Variants in C1orf146 observed in about 807,000 individuals in gnomAD.
C1orf146 encodes the protein chromosome 1 open reading frame 146.
Under a neutral mutation model 23.0 loss-of-function variants are expected in C1orf146, and 22 were observed. That is an observed-to-expected ratio of 0.96 (90% CI 0.68 to 1.36). The LOEUF is 1.36. Among genes scored for constraint, C1orf146 ranks in the 40% most tolerant of loss-of-function variants. The probability of loss-of-function intolerance (pLI) is 0.00; values close to 1 mark genes in which losing one functional copy is unlikely to be tolerated. For missense variants in C1orf146, 199 were observed against 206.8 expected (o/e 0.96, Z 0.23); for synonymous variants, 59 against 65.3 (o/e 0.90, Z 0.47).
chr1:92,228,740 C>T (rs1570788909), intron 1 of C1orf146, among the ~76,000 whole-genome samples: 1 of 152,158 alleles, frequency 6.6e-6, no homozygotes, highest in African/African-American at 2.4e-5. Flanking sequence ...CACGAAGTGA[C>T]CAAGCCACAT....
intron 2 of C1orf146, among the ~76,000 whole-genome samples, chr1:92,232,352 A>G (rs1652149815): frequency 1.3e-5 from 2 of 148,358 alleles, no homozygotes; most frequent in Non-Finnish European, 3.0e-5. Context: ...GAGTGAGAAC[A>G]TGCGGTGTTT....
Position 92,221,488 on chromosome 1 carries a change from A to G in C1orf146, c.-40+3440A>G, listed in dbSNP as rs559045955. Among the ~76,000 whole-genome samples the G allele has an allele frequency of 2.1e-4, 32 of 152,344 alleles. No individual in the cohort carries two copies. In the South Asian group the frequency reaches 6.6e-3, roughly 32 times the overall value. ...ATATACCCCCTGAATCTAAAATAAAAGTTGAAATTTAAAAAGAAATTTTTA... is the reference window on the plus strand; with the variant it reads ...ATATACCCCCTGAATCTAAAATAAAGGTTGAAATTTAAAAAGAAATTTTTA... On this transcript the variant is annotated intron_variant, in intron 1 of 5. Coordinates refer to ENST00000370375, the MANE Select transcript of C1orf146 (RefSeq NM_001012425.2).
chr1:92,243,334 T>C (rs1652475927), intron 3 of C1orf146, among the ~76,000 whole-genome samples: 1 of 152,136 alleles, frequency 6.6e-6, no homozygotes. Context: ...ACTGAGTGTA[T>C]TAATTTATAT....
At chr1:92,240,652 AAACT>A (rs1454702317) in intron 2 of C1orf146, 3 of 157,860 alleles carry the variant, frequency 1.9e-5, no homozygotes, top group Non-Finnish European at 2.8e-5. Flanking sequence ...ATCTATCTGG[AAACT>A]AACAAGTTTG....
intron 2 of C1orf146, among the ~76,000 whole-genome samples, chr1:92,234,017 C>T (rs1359969255): frequency 4.6e-5 from 7 of 152,118 alleles, no homozygotes; most frequent in Non-Finnish European, 8.8e-5. Context: ...TGGGCTGAGA[C>T]GATGGGGTTT....
intron 1 of C1orf146, chr1:92,229,570 GA>G: frequency 3.1e-6 from 1 of 326,468 alleles, no homozygotes; most frequent in Non-Finnish European, 6.0e-6. Flanking sequence ...CTGAAGCAGA[GA>G]AGGTCTTCCA....
At chr1:92,233,635 A>T (rs1652191015) in intron 2 of C1orf146, among the ~76,000 whole-genome samples, 1 of 152,132 alleles carries the variant, frequency 6.6e-6, no homozygotes. Flanking sequence ...AGTTTTTTCC[A>T]ATTCTGTGAA....
intron 2 of C1orf146, among the ~76,000 whole-genome samples, chr1:92,236,437 C>T (rs1056912544): frequency 3.3e-5 from 5 of 152,058 alleles, no homozygotes; most frequent in Non-Finnish European, 7.4e-5. Context: ...AATATTGGCC[C>T]CCACTCTCTT....
intron 1 of C1orf146, among the ~76,000 whole-genome samples, chr1:92,227,748 G>A (rs199860337): frequency 4.6e-5 from 7 of 151,764 alleles, no homozygotes; most frequent in Non-Finnish European, 1.0e-4. Context: ...TTGCCTCCTA[G>A]CTACCATGTT....
chr1:92,231,411 C>T lies in C1orf146; in HGVS notation c.-10C>T, dbSNP rs749166867. 4.4e-6 allele frequency: 7 copies of T among 1,600,400 alleles called. No individual in the cohort carries two copies. The highest frequency in any genetic ancestry group is 1.7e-4 in the Middle Eastern group (1 of 6,006). On this transcript the variant is annotated 5_prime_UTR_variant, in exon 2 of 6. Transcript: ENST00000370375. ...TTGCACCATTAGAAGCTAGGTTGAT[C>T]CACAGACAGATGGCTGAAAGTGGAA... is the stretch of plus-strand genomic sequence containing the variant.
intron 1 of C1orf146, chr1:92,229,549 T>G: frequency 2.6e-6 from 1 of 381,798 alleles, no homozygotes; most frequent in South Asian, 2.2e-5. Flanking sequence ...TGATTTGTGC[T>G]GTTGGTTAAT....
chr1:92,237,456 T>C (rs1021072363), intron 2 of C1orf146, among the ~76,000 whole-genome samples: 7 of 152,226 alleles, frequency 4.6e-5, no homozygotes, highest in Non-Finnish European at 8.8e-5. Flanking sequence ...TGTCTGATCA[T>C]TCCTCTGGAA....
chr1:92,229,452 G>T (rs1420759257), intron 1 of C1orf146: 6 of 505,056 alleles, frequency 1.2e-5, no homozygotes, highest in Non-Finnish European at 2.4e-5. Context: ...GTCATCAGCT[G>T]TAGCTGTTCT....
At chr1:92,231,526 A>T (rs369766854) in intron 2 of C1orf146, 40 bp downstream of exon 2, 113 of 1,416,514 alleles carry the variant, frequency 8.0e-5, no homozygotes, top group Admixed American at 4.5e-4. Flanking sequence ...AACTTAAAAA[A>T]ATTAAAAGCA....
intron 1 of C1orf146, among the ~76,000 whole-genome samples, chr1:92,230,675 G>A (rs1051916658): frequency 2.6e-5 from 4 of 151,946 alleles, no homozygotes; most frequent in Non-Finnish European, 4.4e-5. Flanking sequence ...AGCTACTTGG[G>A]AAGCTGAGGC....
chr1:92,224,644 A>G (rs182017722), intron 1 of C1orf146, among the ~76,000 whole-genome samples: 144 of 152,282 alleles, frequency 9.5e-4, no homozygotes, highest in African/African-American at 3.2e-3. Flanking sequence ...ATGTTTATCA[A>G]TGTTGTTGAT....
In C1orf146 at chr1:92,244,820, C is replaced by G. The variant is rs200379334; in HGVS notation, c.371C>G (p.Thr124Arg). The G allele has an allele frequency of 1.2e-6, 2 of 1,608,778 alleles. No homozygotes were observed. The highest frequency in any genetic ancestry group is 1.7e-6 in the Non-Finnish European group (2 of 1,175,896). Residue 124 changes from threonine (T) to arginine (R), a missense_variant, in exon 5 of 6, where the codon ACA becomes AGA. Physicochemically the swap from Thr to Arg is moderately conservative, Grantham distance 71. Transcript: ENST00000370375. ...TTACGAATACTTCCAGTACACAACA[C>G]AGTAAATGCTATTAATCTTATGTGC... ...CNLRILPVHN[T>R]VNAINLMCTI...
At position 92,236,737 on chromosome 1, in the gene C1orf146, C is replaced by A. The variant is rs182692307; in HGVS notation, c.66+5251C>A. Among the ~76,000 whole-genome samples the A allele has an allele frequency of 8.3e-3, 1,268 of 152,346 alleles. 8 individuals are homozygous for A. Among genetic ancestry groups the A allele is most frequent in the Admixed American group, 0.015 (226 of 15,300 alleles). On this transcript the variant is annotated intron_variant, in intron 2 of 5. Coordinates refer to ENST00000370375, the MANE Select transcript of C1orf146 (RefSeq NM_001012425.2). ...TTGGTTCCATTCTCCCCGTCACTTT[C>A]AGGTACACCAATCAGACGTAGATTT... is the stretch of plus-strand genomic sequence containing the variant.
intron 3 of C1orf146, among the ~76,000 whole-genome samples, chr1:92,243,228 C>G (rs1652472677): frequency 6.6e-6 from 1 of 152,252 alleles, no homozygotes; most frequent in Non-Finnish European, 1.5e-5. Flanking sequence ...TTTCCTCAGA[C>G]TGTCTCCCAC....
Sources: allele counts gnomAD v4.1 joint callset (sites outside exome capture counted in the v4.1 genomes callset), GRCh38; gene constraint gnomAD v4.1.1; transcripts MANE v1.5; gene names NCBI Gene and HGNC (gene_info 2026-07-23, HGNC 2026-07-21).